TRIQK: variants seen among roughly 807,000 people sequenced by gnomAD.
The protein encoded by TRIQK is triple QxxK/R motif containing, also known as triple QxxK/R motif-containing protein.
In TRIQK, 10 loss-of-function variants were observed where a neutral mutation model predicts 10.8. That is an observed-to-expected ratio of 0.92 (90% CI 0.57 to 1.57). The LOEUF (loss-of-function observed/expected upper bound fraction) is 1.57. Ranked by LOEUF, TRIQK falls within the 40% of genes most tolerant of loss-of-function variation. TRIQK has a pLI of 0.00. For synonymous variants in TRIQK, 33 were observed against 33.7 expected (o/e 0.98, Z 0.07); for missense variants, 107 against 97.7 (o/e 1.09, Z -0.40).
At chr8:92,981,276 G>C (rs938020878) in intron 1 of TRIQK, among the ~76,000 whole-genome samples, 1 of 151,628 alleles carries the variant, frequency 6.6e-6, no homozygotes, top group Non-Finnish European at 1.5e-5. Context: ...TAGTTTATTA[G>C]TACATGGTCA....
At chr8:92,934,530 C>T (rs184119939) in intron 2 of TRIQK, among the ~76,000 whole-genome samples, 23 of 151,922 alleles carry the variant, frequency 1.5e-4, no homozygotes, top group Middle Eastern at 3.4e-3. Flanking sequence ...AATTTTGCTT[C>T]CAATGTAATA....
At chr8:92,985,542 G>A (rs1385142987) in intron 1 of TRIQK, among the ~76,000 whole-genome samples, 1 of 152,090 alleles carries the variant, frequency 6.6e-6, no homozygotes, top group Non-Finnish European at 1.5e-5. Flanking sequence ...TAGCTTCACT[G>A]TATTTTCAGT....
chr8:92,912,708 A>G (rs555202401), intron 3 of TRIQK, among the ~76,000 whole-genome samples: 6 of 152,102 alleles, frequency 3.9e-5, no homozygotes, highest in African/African-American at 1.4e-4. Flanking sequence ...ACAATTATAC[A>G]CCAACAAATT....
chr8:92,915,260 G>C (rs890023134), intron 3 of TRIQK, among the ~76,000 whole-genome samples: 1 of 152,074 alleles, frequency 6.6e-6, no homozygotes, highest in Non-Finnish European at 1.5e-5. Context: ...CAATTATGTA[G>C]GATGAATAAA....
intron 1 of TRIQK, among the ~76,000 whole-genome samples, chr8:92,962,684 C>G (rs1168428435): frequency 1.3e-5 from 2 of 152,148 alleles, no homozygotes; most frequent in African/African-American, 4.8e-5. Context: ...TCACAGCTTA[C>G]CAAAAAGAGA....
At chr8:93,009,483 C>T (rs1006257265) in intron 1 of TRIQK, among the ~76,000 whole-genome samples, 3 of 152,018 alleles carry the variant, frequency 2.0e-5, no homozygotes, top group Non-Finnish European at 4.4e-5. Context: ...ATGGCAGATG[C>T]CTGTAATCCC....
Position 92,917,009 on chromosome 8 carries a change from T to C in TRIQK, c.-20A>G. 1.4e-6 allele frequency: 2 copies of C among 1,481,038 alleles called. No homozygotes were observed. The highest frequency in any genetic ancestry group is 2.6e-5 in the East Asian group (1 of 38,590). The allele number at this position is 1,481,038 out of a possible 1,614,324, so 91.7% of individuals were successfully genotyped here. A position where few individuals can be genotyped will look rare whatever the true frequency, so the allele number is the denominator to read the frequency against. ...ACCCATCTTTGATCTCCAAAATGCC[T>C]GCTGAAAAGAAAACAATTATAATGA... On this transcript the variant is annotated splice_region_variant and 5_prime_UTR_variant, in exon 3 of 5. Transcript: ENST00000521988.
intron 2 of TRIQK, among the ~76,000 whole-genome samples, chr8:92,930,338 C>T (rs1004113636): frequency 7.3e-5 from 10 of 137,134 alleles, no homozygotes; most frequent in African/African-American, 2.2e-4. Context: ...TGCAGTGAGC[C>T]GGAATTGAGC....
At chr8:92,890,822 G>A (rs746845307) in intron 4 of TRIQK, among the ~76,000 whole-genome samples, 7 of 151,864 alleles carry the variant, frequency 4.6e-5, no homozygotes, top group East Asian at 1.9e-4. Flanking sequence ...CAATGTTCTC[G>A]CTTTAAGAAA....
intron 1 of TRIQK, among the ~76,000 whole-genome samples, chr8:93,002,920 C>CAAAAAAAAAAAA (rs770726105): frequency 8.8e-6 from 1 of 113,878 alleles, no homozygotes. Flanking sequence ...AACTCCATCT[C>CAAAAAAAAAAAA]AAAAAAAAAA....
chr8:92,970,276 T>C (rs1376902432), upstream of TRIQK, among the ~76,000 whole-genome samples: 1 of 152,210 alleles, frequency 6.6e-6, no homozygotes, highest in Non-Finnish European at 1.5e-5. Context: ...ATCTTTATAA[T>C]AGAATGATTT....
At chr8:92,964,372 G>T (rs939262738) in intron 1 of TRIQK, among the ~76,000 whole-genome samples, 1 of 151,230 alleles carries the variant, frequency 6.6e-6, no homozygotes, top group African/African-American at 2.4e-5. Flanking sequence ...AGCTTTCCTT[G>T]GTTTCTCAAA....
chr8:92,933,260 G>T (rs936069142), intron 2 of TRIQK, among the ~76,000 whole-genome samples: 4 of 151,848 alleles, frequency 2.6e-5, no homozygotes, highest in Admixed American at 6.6e-5. Flanking sequence ...ATCAATGAAA[G>T]TTTTCATGTT....
At chr8:93,015,430 C>A (rs1331830275) in intron 1 of TRIQK, among the ~76,000 whole-genome samples, 1 of 150,294 alleles carries the variant, frequency 6.7e-6, no homozygotes, top group Non-Finnish European at 1.5e-5. Flanking sequence ...TTGCTAACTT[C>A]TCACTCAGAA....
At chr8:93,017,557 G>C (rs1429498144) in intron 1 of TRIQK, 2 of 152,172 alleles carry the variant, frequency 1.3e-5, no homozygotes, top group African/African-American at 4.8e-5. Flanking sequence ...AGGCCTGTTT[G>C]CAGATAAGGA....
At chr8:92,997,455 T>A (rs1813163989) in intron 1 of TRIQK, among the ~76,000 whole-genome samples, 1 of 151,960 alleles carries the variant, frequency 6.6e-6, no homozygotes, top group Non-Finnish European at 1.5e-5. Context: ...GGTTACAAAT[T>A]TATGTGTGTC....
chr8:92,892,213 T>C (rs1487529983), intron 3 of TRIQK, 139 bp from the exon 4 acceptor site: 7 of 563,984 alleles, frequency 1.2e-5, no homozygotes, highest in South Asian at 7.5e-5. Flanking sequence ...GTGGTAACCA[T>C]AAACTTGTCA....
intron 3 of TRIQK, among the ~76,000 whole-genome samples, chr8:92,915,584 C>T (rs1400725785): frequency 5.3e-5 from 8 of 151,730 alleles, no homozygotes; most frequent in African/African-American, 4.8e-5. Context: ...CCCGGGTTCC[C>T]GGGTTCACGC....
chr8:92,965,169 A>G (rs1812671700), intron 1 of TRIQK: 1 of 152,170 alleles, frequency 6.6e-6, no homozygotes, highest in Admixed American at 6.5e-5. Flanking sequence ...ACCTCTCCAC[A>G]GTAGAGAATG....
Sources: allele counts gnomAD v4.1 joint callset (sites outside exome capture counted in the v4.1 genomes callset), GRCh38; gene constraint gnomAD v4.1.1; transcripts MANE v1.5; gene names NCBI Gene and HGNC (gene_info 2026-07-23, HGNC 2026-07-21).